CCDC85C: variants seen among roughly 807,000 people sequenced by gnomAD.
CCDC85C encodes coiled-coil domain containing 85C.
In CCDC85C, 18 loss-of-function variants were observed where a neutral mutation model predicts 38.3. That is an observed-to-expected ratio of 0.47 (90% CI 0.33 to 0.70). The LOEUF (loss-of-function observed/expected upper bound fraction) is 0.70, where lower values mean the gene tolerates loss of function less well. Among genes scored for constraint, CCDC85C ranks in the 30% least tolerant of loss-of-function variants. CCDC85C has a pLI of 0.03. For missense variants in CCDC85C, 566 were observed against 621.2 expected, an observed-to-expected ratio of 0.91 and a Z score of 0.94; for synonymous variants, 264 against 293.8, an observed-to-expected ratio of 0.90 and a Z score of 1.04.
rs1435202516 is a variant in CCDC85C, at chr14:99,520,076, TATGGGCAGCA to T, written c.975+2047_975+2056del. Reference sequence around the variant, plus strand: ...GCCCTGACAGCCAGTGGATGGAGGGTATGGGCAGCAGTGGGCAGGGAGGGGGTGTCCACCC... The same window carrying T: ...GCCCTGACAGCCAGTGGATGGAGGGTGTGGGCAGGGAGGGGGTGTCCACCC... On this transcript the variant is annotated intron_variant, in intron 3 of 5. Coordinates refer to ENST00000380243, the MANE Select transcript of CCDC85C (RefSeq NM_001144995.2). This position sits in a 1 kb window ranked among gnomAD's most constrained non-coding sequence, Gnocchi z 4.1. 6.6e-6 allele frequency among the ~76,000 whole-genome samples: 1 copy of T among 152,112 alleles called. No individual in the cohort carries two copies. The highest frequency in any genetic ancestry group is 1.5e-5 in the Non-Finnish European group (1 of 67,990).
chr14:99,504,184 A>G lies in CCDC85C; in HGVS notation c.*11062T>C, dbSNP rs1896914126. The G allele has an allele frequency of 1.7e-5, 4 of 235,702 alleles. No individual in the cohort carries two copies. The highest frequency in any genetic ancestry group is 3.6e-5 in the Non-Finnish European group (4 of 111,178). The allele number at this position is 235,702 out of a possible 1,614,324, so 14.6% of individuals were successfully genotyped here. A position where few individuals can be genotyped will look rare whatever the true frequency, so the allele number is the denominator to read the frequency against. On this transcript the variant is annotated 3_prime_UTR_variant, in exon 6 of 6. Transcript: ENST00000380243. Reference sequence around the variant, plus strand: ...AAACAGAAGGAGTGAGCAAAATTGGAACAATTACAAAACAGAAAGTTAGAA... The same window carrying G: ...AAACAGAAGGAGTGAGCAAAATTGGGACAATTACAAAACAGAAAGTTAGAA...
chr14:99,573,788 C>A (rs1311365856), intron 1 of CCDC85C, among the ~76,000 whole-genome samples: 3 of 152,166 alleles, frequency 2.0e-5, no homozygotes, highest in African/African-American at 7.2e-5. Flanking sequence ...AGGAGATGCA[C>A]CCCTCACAAC....
intron 1 of CCDC85C, among the ~76,000 whole-genome samples, chr14:99,593,544 C>A (rs536876284): frequency 2.0e-4 from 30 of 152,330 alleles, no homozygotes; most frequent in African/African-American, 6.7e-4. Context: ...CATCCAGGGC[C>A]CAAAATGGCA....
intron 2 of CCDC85C, among the ~76,000 whole-genome samples, chr14:99,524,209 C>T (rs573339815): frequency 2.0e-5 from 3 of 152,066 alleles, no homozygotes; most frequent in East Asian, 1.9e-4. Flanking sequence ...ACTCTGAATG[C>T]GTGCGTGCAC....
chr14:99,546,194 T>C (rs1897804514), intron 1 of CCDC85C, among the ~76,000 whole-genome samples: 1 of 151,500 alleles, frequency 6.6e-6, no homozygotes, highest in South Asian at 2.1e-4. Context: ...GTCAACCAAA[T>C]CTCTATCGAG....
intron 1 of CCDC85C, among the ~76,000 whole-genome samples, chr14:99,537,972 G>A (rs1897637475): frequency 6.6e-6 from 1 of 152,174 alleles, no homozygotes. Context: ...GGGAAGCAGT[G>A]ACCAAGTAAA....
intron 2 of CCDC85C, among the ~76,000 whole-genome samples, chr14:99,526,598 A>G (rs1897389331): frequency 6.6e-6 from 1 of 152,050 alleles, no homozygotes; most frequent in East Asian, 1.9e-4. Context: ...CTCCAGGAAG[A>G]GGAAGTGGGG....
chr14:99,543,813 G>A (rs1347327894), intron 1 of CCDC85C, among the ~76,000 whole-genome samples: 1 of 152,170 alleles, frequency 6.6e-6, no homozygotes, highest in Admixed American at 6.5e-5. Flanking sequence ...ATTATTTATG[G>A]ATGAAGGCAA....
At chr14:99,599,707 T>C (rs895006624) in intron 1 of CCDC85C, among the ~76,000 whole-genome samples, 1 of 151,914 alleles carries the variant, frequency 6.6e-6, no homozygotes, top group African/African-American at 2.4e-5. Context: ...CTGGGCAACA[T>C]AGTGAGATCC....
At chr14:99,563,266 G>A (rs568692548) in intron 1 of CCDC85C, among the ~76,000 whole-genome samples, 16 of 152,382 alleles carry the variant, frequency 1.0e-4, no homozygotes, top group African/African-American at 3.6e-4. Context: ...TCCACTCCTC[G>A]GGCCTGGGCC....
At chr14:99,522,046 C>A in intron 3 of CCDC85C, 87 bp downstream of exon 3, 1 of 1,005,880 alleles carries the variant, frequency 9.9e-7, no homozygotes, top group Non-Finnish European at 1.5e-6. Context: ...CACCCAGATC[C>A]TTGTGCCCCT....
rs961813336 is a variant in CCDC85C, at chr14:99,603,595, C to A, written c.365G>T (p.Arg122Leu). The A allele has an allele frequency of 7.0e-7, 1 of 1,428,486 alleles. No homozygotes were observed. The highest frequency in any genetic ancestry group is 1.4e-5 in the South Asian group (1 of 70,172). 88.5% of individuals were successfully genotyped at this position (1,428,486 alleles called of 1,614,324 possible). The change falls in exon 1 of 6, where the codon CGC becomes CTC. Residue 122 changes from arginine to leucine, a missense_variant. Arg to Leu is a moderately radical substitution (Grantham distance 102). Coordinates refer to ENST00000380243, the MANE Select transcript of CCDC85C (RefSeq NM_001144995.2). The surrounding 1 kb of genome is among the most constrained non-coding windows in gnomAD (Gnocchi z 7.5). ...GAGCTCGCGCAGCTTCTGCTGCGAG[C>A]GGGCCACCTCGTGCCACACGGCGCC... ...AAGAVWHEVA[R>L]SQQKLRELEA... is the part of the protein sequence containing the mutation.
intron 1 of CCDC85C, among the ~76,000 whole-genome samples, chr14:99,583,673 T>G (rs2054998067): frequency 6.6e-6 from 1 of 151,902 alleles, no homozygotes; most frequent in Non-Finnish European, 1.5e-5. Flanking sequence ...CCGGGCATGG[T>G]GACAGACGCC....
At chr14:99,594,369 G>A (rs2055120871) in intron 1 of CCDC85C, among the ~76,000 whole-genome samples, 1 of 152,176 alleles carries the variant, frequency 6.6e-6, no homozygotes, top group Non-Finnish European at 1.5e-5. Flanking sequence ...ACTTCCACTG[G>A]GGCCCTGCAG....
At chr14:99,554,680 G>A (rs1239093864) in intron 1 of CCDC85C, among the ~76,000 whole-genome samples, 1 of 152,230 alleles carries the variant, frequency 6.6e-6, no homozygotes, top group East Asian at 1.9e-4. Context: ...GGTTGCTCCA[G>A]CCTTTCTGCA....
At chr14:99,524,343 CCTT>C (rs1010255863) in intron 2 of CCDC85C, among the ~76,000 whole-genome samples, 4 of 152,098 alleles carry the variant, frequency 2.6e-5, no homozygotes, top group Admixed American at 1.3e-4. Flanking sequence ...CTCCGGCGTC[CCTT>C]CCTCCACATC....
At chr14:99,539,393 C>G (rs935143369) in intron 1 of CCDC85C, among the ~76,000 whole-genome samples, 6 of 148,958 alleles carry the variant, frequency 4.0e-5, no homozygotes, top group Non-Finnish European at 8.9e-5. Context: ...TCACTTGAAC[C>G]TGGGAGGCGG....
intron 1 of CCDC85C, among the ~76,000 whole-genome samples, chr14:99,581,924 C>T (rs975632389): frequency 2.0e-5 from 3 of 152,308 alleles, no homozygotes; most frequent in South Asian, 2.1e-4. Flanking sequence ...AGTCACTTCC[C>T]GGTGTGAACC....
Position 99,509,223 on chromosome 14 carries a change from A to G in CCDC85C, c.*6023T>C, listed in dbSNP as rs1595328909. The G allele has an allele frequency of 6.6e-6, 1 of 152,340 alleles. No individual in the cohort carries two copies. Among genetic ancestry groups the G allele is most frequent in the South Asian group, 2.1e-4 (1 of 4,824 alleles). 9.4% of individuals were successfully genotyped at this position (152,340 alleles called of 1,614,324 possible). On this transcript the variant is annotated 3_prime_UTR_variant, in exon 6 of 6. Transcript: ENST00000380243. ...CTCTCTATGTTCTCTGGAACCAGAA[A>G]TGTTGCTCCTGTGGTCTGTCTCCTG... is the stretch of plus-strand genomic sequence containing the variant.
Sources: allele counts gnomAD v4.1 joint callset (sites outside exome capture counted in the v4.1 genomes callset), GRCh38; gene constraint gnomAD v4.1.1; non-coding constraint Gnocchi (gnomAD v3.1); transcripts MANE v1.5; gene names NCBI Gene and HGNC (gene_info 2026-07-23, HGNC 2026-07-21).